Variants in GALNT2 observed in about 807,000 individuals in gnomAD.
The protein encoded by GALNT2 is UDP-GalNAc:polypeptide N-acetylgalactosaminyltransferase 2.
In GALNT2, 31 loss-of-function variants were observed where a neutral mutation model predicts 81.4. The observed-to-expected ratio is 0.38, with a 90% confidence interval of 0.29 to 0.51. GALNT2 has a LOEUF of 0.51. GALNT2 is among the 20% of genes least tolerant of loss of function. The probability of loss-of-function intolerance (pLI) is 0.87; values close to 1 mark genes in which losing one functional copy is unlikely to be tolerated. For synonymous variants in GALNT2, 303 were observed against 287.4 expected (o/e 1.05, Z -0.55); for missense variants, 629 against 765.7 (o/e 0.82, Z 2.11).
At chr1:230,080,847 T>A (rs2102753260) in intron 1 of GALNT2, among the ~76,000 whole-genome samples, 1 of 152,350 alleles carries the variant, frequency 6.6e-6, no homozygotes, top group Middle Eastern at 3.4e-3. Context: ...ATGCTCAGAA[T>A]GGTGCCTGGT....
At chr1:230,086,329 G>C (rs935599438) in intron 1 of GALNT2, among the ~76,000 whole-genome samples, 1 of 152,140 alleles carries the variant, frequency 6.6e-6, no homozygotes, top group East Asian at 1.9e-4. Flanking sequence ...AGTTCAGCCT[G>C]ACGACCCAGC....
At chr1:230,222,171 C>T (rs1456261926) in intron 3 of GALNT2, among the ~76,000 whole-genome samples, 7 of 151,824 alleles carry the variant, frequency 4.6e-5, no homozygotes, top group Admixed American at 1.3e-4. Context: ...GGACTACAGG[C>T]GTCCACCACC....
chr1:230,162,107 A>C (rs1375353933), intron 1 of GALNT2, among the ~76,000 whole-genome samples: 2 of 152,198 alleles, frequency 1.3e-5, no homozygotes, highest in Non-Finnish European at 1.5e-5. Flanking sequence ...CTGTTGAACA[A>C]GCTTGTATAG....
chr1:230,175,287 G>T (rs1331108017), intron 1 of GALNT2, among the ~76,000 whole-genome samples: 1 of 152,118 alleles, frequency 6.6e-6, no homozygotes, highest in Non-Finnish European at 1.5e-5. Context: ...TTGAGGGAGG[G>T]AGGAAGCTAT....
At chr1:230,117,480 C>T (rs1047887954) in intron 1 of GALNT2, among the ~76,000 whole-genome samples, 14 of 152,270 alleles carry the variant, frequency 9.2e-5, no homozygotes, top group African/African-American at 3.1e-4. Flanking sequence ...AGAGATGTGC[C>T]GCTCCTCCTT....
intron 1 of GALNT2, among the ~76,000 whole-genome samples, chr1:230,123,447 G>T (rs1661084439): frequency 6.6e-6 from 1 of 152,158 alleles, no homozygotes; most frequent in Non-Finnish European, 1.5e-5. Context: ...ATGCAGGTTG[G>T]TCATGTCTTT....
chr1:230,191,620 T>C (rs1159641878), intron 2 of GALNT2, among the ~76,000 whole-genome samples: 1 of 152,248 alleles, frequency 6.6e-6, no homozygotes, highest in Non-Finnish European at 1.5e-5. Context: ...TAAGCAGTCC[T>C]CCTGCTTCAG....
chr1:230,166,169 C>T (rs1662595801), intron 1 of GALNT2, among the ~76,000 whole-genome samples: 1 of 151,770 alleles, frequency 6.6e-6, no homozygotes, highest in African/African-American at 2.4e-5. Context: ...TAAGACAATC[C>T]TTATAGGGTT....
chr1:230,113,395 G>T (rs1660757885), intron 1 of GALNT2, among the ~76,000 whole-genome samples: 1 of 152,118 alleles, frequency 6.6e-6, no homozygotes, highest in Non-Finnish European at 1.5e-5. Flanking sequence ...GCAAACTCCA[G>T]TTTATACCTG....
intron 14 of GALNT2, among the ~76,000 whole-genome samples, chr1:230,266,982 C>T (rs950888561): frequency 1.3e-4 from 16 of 121,214 alleles, no homozygotes; most frequent in Admixed American, 9.4e-4. Context: ...TGCCTGTGCA[C>T]GTGTGTGACA....
rs3213497 is a variant in GALNT2 at position 230,280,574 on chromosome 1, C to T, written c.*1116C>T. The T allele has an allele frequency of 0.097, 14,980 of 153,896 alleles. 875 individuals carry two copies. The highest frequency in any genetic ancestry group is 0.13 in the Middle Eastern group (39 of 294). The allele number at this position is 153,896 out of a possible 1,614,324, so 9.5% of individuals were successfully genotyped here. On this transcript the variant is annotated 3_prime_UTR_variant, in exon 16 of 16. Coordinates refer to ENST00000366672, the MANE Select transcript of GALNT2 (RefSeq NM_004481.5). ...GCTTCATTGTGATCTGAGCCCTGCA[C>T]GCTGGGCCTTCAGAATTAATGGCCA...
chr1:230,162,077 T>A (rs1299998751), intron 1 of GALNT2, among the ~76,000 whole-genome samples: 2 of 152,232 alleles, frequency 1.3e-5, no homozygotes, highest in African/African-American at 4.8e-5. Context: ...GTTTTGCTGG[T>A]AAGATTCAGG....
upstream of GALNT2, among the ~76,000 whole-genome samples, chr1:230,065,849 T>A (rs576772733): frequency 1.3e-5 from 2 of 152,344 alleles, no homozygotes; most frequent in South Asian, 4.1e-4. Context: ...TTTATCTGAC[T>A]TTTTCCCAGA....
At chr1:230,265,491 C>G in intron 14 of GALNT2, 124 bp downstream of exon 14, 1 of 1,352,900 alleles carries the variant, frequency 7.4e-7, no homozygotes. Flanking sequence ...TGAGGAAGCA[C>G]CTGGCTCCTG....
At chr1:230,111,433 C>T (rs1660702716) in intron 1 of GALNT2, among the ~76,000 whole-genome samples, 1 of 152,238 alleles carries the variant, frequency 6.6e-6, no homozygotes, top group Admixed American at 6.5e-5. Flanking sequence ...TATTTACCTA[C>T]ATTTCAAGGT....
intron 1 of GALNT2, among the ~76,000 whole-genome samples, chr1:230,162,595 C>T (rs552627301): frequency 2.6e-5 from 4 of 152,314 alleles, no homozygotes; most frequent in Admixed American, 2.6e-4. Flanking sequence ...GGAACCAGAA[C>T]TTGCTTTCCC....
At chr1:230,093,284 T>A (rs1266621694) in intron 1 of GALNT2, among the ~76,000 whole-genome samples, 1 of 151,976 alleles carries the variant, frequency 6.6e-6, no homozygotes, top group East Asian at 1.9e-4. Context: ...GATATTAACT[T>A]AAAGGGCACT....
At position 230,103,880 on chromosome 1, in the gene GALNT2, CCG is replaced by C. The variant is rs372009670; in HGVS notation, c.126+36475_126+36476del. 5.1e-3 allele frequency among the ~76,000 whole-genome samples: 769 copies of C among 152,274 alleles called. 10 individuals are homozygous for C. Among genetic ancestry groups the C allele is most frequent in the African/African-American group, 0.017 (718 of 41,540 alleles). On this transcript the variant is annotated intron_variant, in intron 1 of 15. Coordinates refer to ENST00000366672, the MANE Select transcript of GALNT2 (RefSeq NM_004481.5). ...CCTCCCCTTCTCCTAGTCATTTACTCCGTGAGAGCTGCTCCTACCTGACCTTC... is the reference window on the plus strand; with the variant it reads ...CCTCCCCTTCTCCTAGTCATTTACTCTGAGAGCTGCTCCTACCTGACCTTC...
At chr1:230,204,074 C>A (rs1164400638) in intron 3 of GALNT2, among the ~76,000 whole-genome samples, 1 of 152,132 alleles carries the variant, frequency 6.6e-6, no homozygotes, top group Non-Finnish European at 1.5e-5. Context: ...AACTCCTGGC[C>A]TTAAGTGATC....
Sources: allele counts gnomAD v4.1 joint callset (sites outside exome capture counted in the v4.1 genomes callset), GRCh38; gene constraint gnomAD v4.1.1; transcripts MANE v1.5; gene names NCBI Gene and HGNC (gene_info 2026-07-23, HGNC 2026-07-21).